The following GLI2 variants were observed in gnomAD, a reference collection of about 807,000 sequenced individuals.
The protein encoded by GLI2 is transcription activator GLI2.
Under a neutral mutation model 78.9 loss-of-function variants are expected in GLI2, and 22 were observed. The ratio of observed to expected loss-of-function variants is 0.28; its 90% CI spans 0.20 to 0.40. The LOEUF (loss-of-function observed/expected upper bound fraction) is 0.40. Among genes scored for constraint, GLI2 ranks in the 10% least tolerant of loss-of-function variants. The pLI is 1.00. For synonymous variants in GLI2, 974 were observed against 963.7 expected, an observed-to-expected ratio of 1.01 and a Z score of -0.20; for missense variants, 2,097 against 2,213.2, an observed-to-expected ratio of 0.95 and a Z score of 1.05.
intron 2 of GLI2, among the ~76,000 whole-genome samples, chr2:120,905,864 A>G (rs916400202): frequency 7.0e-6 from 1 of 142,812 alleles, no homozygotes; most frequent in African/African-American, 2.9e-5. Flanking sequence ...GGAGGGCTAC[A>G]CTGCCCCCCC....
chr2:120,937,313 C>T (rs1248779615), intron 3 of GLI2, among the ~76,000 whole-genome samples: 1 of 152,082 alleles, frequency 6.6e-6, no homozygotes, highest in African/African-American at 2.4e-5. Context: ...GATTTTGTAG[C>T]AGTGAAGTCA....
intron 2 of GLI2, among the ~76,000 whole-genome samples, chr2:120,854,764 C>T (rs1438907751): frequency 6.6e-6 from 1 of 152,238 alleles, no homozygotes; most frequent in Non-Finnish European, 1.5e-5. Context: ...ATCAGAATCA[C>T]CCAAGAGACT....
At chr2:120,909,631 C>T (rs1005012146) in intron 2 of GLI2, among the ~76,000 whole-genome samples, 3 of 151,994 alleles carry the variant, frequency 2.0e-5, no homozygotes, top group African/African-American at 7.3e-5. Flanking sequence ...TTTGGGAGGC[C>T]GAGGCAGGCA....
At chr2:120,950,331 T>G (rs1680916357) in intron 3 of GLI2, among the ~76,000 whole-genome samples, 1 of 152,244 alleles carries the variant, frequency 6.6e-6, no homozygotes, top group African/African-American at 2.4e-5. Context: ...GACTTAGCTG[T>G]GGTTTTGCAG....
intron 2 of GLI2, among the ~76,000 whole-genome samples, chr2:120,837,674 CT>C (rs1246098305): frequency 6.6e-6 from 1 of 152,124 alleles, no homozygotes; most frequent in East Asian, 1.9e-4. Flanking sequence ...ACTGTTTTGT[CT>C]TTGACATTAT....
At chr2:120,793,755 G>T (rs1684255239) in intron 1 of GLI2, among the ~76,000 whole-genome samples, 1 of 152,216 alleles carries the variant, frequency 6.6e-6, no homozygotes, top group Non-Finnish European at 1.5e-5. Context: ...CAGTCTGGGA[G>T]CTGGGCATCT....
intron 2 of GLI2, among the ~76,000 whole-genome samples, chr2:120,873,305 A>C (rs904339427): frequency 3.9e-5 from 6 of 152,240 alleles, no homozygotes; most frequent in Non-Finnish European, 7.3e-5. Flanking sequence ...TAAAACTGAG[A>C]AATTTAAAAG....
chr2:120,818,240 GA>G (rs1374227627), intron 2 of GLI2, among the ~76,000 whole-genome samples: 2 of 152,364 alleles, frequency 1.3e-5, no homozygotes, highest in African/African-American at 4.8e-5. Context: ...CAGGGGTGTG[GA>G]GGGTGAAGTC....
At chr2:120,947,457 C>T (rs770444929) in intron 3 of GLI2, among the ~76,000 whole-genome samples, 6 of 152,196 alleles carry the variant, frequency 3.9e-5, no homozygotes, top group African/African-American at 7.2e-5. Context: ...GGTAAGAGCA[C>T]GGCTGTGATC....
rs200326203 is a variant in GLI2 at position 120,820,857 on chromosome 2, A to G, written c.148+23389A>G. On this transcript the variant is annotated intron_variant, in intron 2 of 13. Coordinates refer to ENST00000361492, the MANE Select transcript of GLI2 (RefSeq NM_001374353.1). ...GCATCTTCCAGGGTTTCTCTATGCC[A>G]CTTGGGGTGCAGTCTTGAGTGGCCA... Among the ~76,000 whole-genome samples, 62 of 152,242 alleles carry G rather than the reference A, an allele frequency of 4.1e-4. 1 individual carries two copies. In the East Asian group the frequency reaches 0.01, roughly 25 times the overall value.
At chr2:120,971,132 C>T (rs1682146083) in intron 7 of GLI2, among the ~76,000 whole-genome samples, 1 of 152,190 alleles carries the variant, frequency 6.6e-6, no homozygotes, top group Non-Finnish European at 1.5e-5. Context: ...TCAGTCAGAC[C>T]ATCTTTGGGA....
intron 1 of GLI2, among the ~76,000 whole-genome samples, chr2:120,751,317 A>T (rs1682865702): frequency 6.6e-6 from 1 of 151,630 alleles, no homozygotes; most frequent in Non-Finnish European, 1.5e-5. Context: ...TTTTCCTGTG[A>T]ATATTTATCC....
chr2:120,955,126 C>A, intron 4 of GLI2, 119 bp from the exon 5 acceptor site: 1 of 730,032 alleles, frequency 1.4e-6, no homozygotes, highest in Non-Finnish European at 2.4e-6. Flanking sequence ...AGAGAAACCC[C>A]GACACCAGGT....
intron 1 of GLI2, among the ~76,000 whole-genome samples, chr2:120,779,604 G>A (rs1326909595): frequency 1.3e-5 from 2 of 152,254 alleles, no homozygotes; most frequent in East Asian, 3.8e-4. Context: ...TTAGACTCTT[G>A]TGGTTCAGTC....
chr2:120,781,519 C>T (rs1340042025), intron 1 of GLI2, among the ~76,000 whole-genome samples: 2 of 152,184 alleles, frequency 1.3e-5, no homozygotes, highest in Non-Finnish European at 1.5e-5. Flanking sequence ...TATAGTTTCT[C>T]CTAATATTTT....
At position 120,856,893 on chromosome 2, in the gene GLI2, GTAGCCCTC is replaced by G. The variant is rs202240696; in HGVS notation, c.148+59427_148+59434del. 4.3e-3 allele frequency among the ~76,000 whole-genome samples: 647 copies of G among 151,942 alleles called. 11 individuals carry two copies. Among genetic ancestry groups the G allele is most frequent in the East Asian group, 8.0e-3 (41 of 5,140 alleles). ...CTGGCTCACTTCAGGCCTGGAGGGAGTAGCCCTCTCTGGGTTGAACTGGGCCCAGAGGC... is the reference window on the plus strand; with the variant it reads ...CTGGCTCACTTCAGGCCTGGAGGGAGTCTGGGTTGAACTGGGCCCAGAGGC... On this transcript the variant is annotated intron_variant, in intron 2 of 13. Coordinates refer to ENST00000361492, the MANE Select transcript of GLI2 (RefSeq NM_001374353.1).
At chr2:120,791,118 C>T (rs1233990988) in intron 1 of GLI2, among the ~76,000 whole-genome samples, 1 of 152,158 alleles carries the variant, frequency 6.6e-6, no homozygotes, top group Non-Finnish European at 1.5e-5. Flanking sequence ...ACATGCATCT[C>T]TCATTGTGGG....
At chr2:120,816,649 TA>T (rs34210846) in intron 2 of GLI2, among the ~76,000 whole-genome samples, 6 of 150,072 alleles carry the variant, frequency 4.0e-5, no homozygotes, top group East Asian at 1.9e-4. Flanking sequence ...TCTCCAAAAT[TA>T]AAAAAAAAAG....
At chr2:120,924,962 C>T (rs986650600) in intron 2 of GLI2, among the ~76,000 whole-genome samples, 1 of 152,222 alleles carries the variant, frequency 6.6e-6, no homozygotes, top group South Asian at 2.1e-4. Flanking sequence ...TACTGTTATC[C>T]ATTTTCAGAT....
Sources: gnomAD v4.1 joint callset for allele counts (sites outside exome capture counted in the v4.1 genomes callset) on GRCh38, gnomAD v4.1.1 for gene constraint, MANE v1.5 for transcripts, NCBI Gene and HGNC (gene_info 2026-07-23, HGNC 2026-07-21) for gene names.